ITGA9: variants seen among roughly 807,000 people sequenced by gnomAD.
The protein encoded by ITGA9 is integrin subunit alpha 9.
In ITGA9, 56 loss-of-function variants were observed where a neutral mutation model predicts 127.8. The ratio of observed to expected loss-of-function variants is 0.44; its 90% CI spans 0.35 to 0.55. ITGA9 has a LOEUF of 0.55. ITGA9 is among the 20% of genes least tolerant of loss of function. The pLI, the probability that ITGA9 is intolerant of heterozygous loss-of-function variation, is 0.00. For synonymous variants in ITGA9, 508 were observed against 514.5 expected, an observed-to-expected ratio of 0.99 and a Z score of 0.17; for missense variants, 1,196 against 1,347.1, an observed-to-expected ratio of 0.89 and a Z score of 1.76.
intron 8 of ITGA9, among the ~76,000 whole-genome samples, chr3:37,512,186 T>TTTC (rs1432696502): frequency 1.6e-5 from 1 of 60,818 alleles, no homozygotes; most frequent in Non-Finnish European, 3.0e-5. Context: ...TTTCTTTTCT[T>TTTC]TTCTTTTCTT....
chr3:37,641,476 G>T (rs1163947023), intron 16 of ITGA9, among the ~76,000 whole-genome samples: 2 of 152,036 alleles, frequency 1.3e-5, no homozygotes, highest in Admixed American at 1.3e-4. Flanking sequence ...TGTCGCAGAG[G>T]GAGAAGATCT....
rs543389780 is a variant in ITGA9 at position 37,594,227 on chromosome 3, T to C, written c.1690-34960T>C. Among the ~76,000 whole-genome samples, 4 of 152,334 alleles carry C rather than the reference T, an allele frequency of 2.6e-5. No individual in the cohort carries two copies. The South Asian group carries it at 8.3e-4, about 32-fold the overall frequency. ...TGAGATAGGGGTCTGGCCCCATTCC[T>C]GCCTGACTGGCAGTCTTCATTAATG... On this transcript the variant is annotated intron_variant, in intron 15 of 27. Transcript: ENST00000264741.
intron 7 of ITGA9, 116 bp downstream of exon 7, chr3:37,506,201 G>A: frequency 1.2e-6 from 1 of 820,346 alleles, no homozygotes; most frequent in Non-Finnish European, 2.1e-6. Flanking sequence ...GGTGGCTGGT[G>A]GGGAGGTGAT....
At chr3:37,669,027 C>G (rs911271502) in intron 17 of ITGA9, among the ~76,000 whole-genome samples, 1 of 152,164 alleles carries the variant, frequency 6.6e-6, no homozygotes, top group Non-Finnish European at 1.5e-5. Flanking sequence ...GTGACCTGTC[C>G]GTAAATCATT....
At chr3:37,508,380 C>G (rs1559523195) in intron 7 of ITGA9, among the ~76,000 whole-genome samples, 179 bp from the exon 8 acceptor site, 2 of 151,806 alleles carry the variant, frequency 1.3e-5, no homozygotes, top group African/African-American at 4.8e-5. Context: ...TTGAAGGACC[C>G]TTTTTTTTGC....
chr3:37,508,407 C>T (rs1452878062), intron 7 of ITGA9, 152 bp from the exon 8 acceptor site: 18 of 657,776 alleles, frequency 2.7e-5, no homozygotes, highest in Non-Finnish European at 4.7e-5. Context: ...GGTAAAATGA[C>T]AGCTGACTTC....
intron 23 of ITGA9, among the ~76,000 whole-genome samples, chr3:37,763,466 G>A (rs1233658526): frequency 6.6e-6 from 1 of 152,204 alleles, no homozygotes; most frequent in African/African-American, 2.4e-5. Flanking sequence ...CTGCCGTTGT[G>A]TGGGGTTCCG....
intron 15 of ITGA9, among the ~76,000 whole-genome samples, chr3:37,612,537 AC>A (rs1451085418): frequency 6.6e-6 from 1 of 152,206 alleles, no homozygotes; most frequent in African/African-American, 2.4e-5. Context: ...TTTGATGCCT[AC>A]ATTTTATAAT....
At chr3:37,733,130 C>G (rs1471476533) in intron 19 of ITGA9, 1 of 365,476 alleles carries the variant, frequency 2.7e-6, no homozygotes, top group Non-Finnish European at 5.3e-6. Flanking sequence ...TTCTGTGCCT[C>G]TTTGAGTCCC....
chr3:37,689,260 T>C (rs1035028476), intron 18 of ITGA9, among the ~76,000 whole-genome samples: 1 of 152,230 alleles, frequency 6.6e-6, no homozygotes, highest in African/African-American at 2.4e-5. Context: ...TTTCATAGAT[T>C]TATTCTGGAT....
intron 15 of ITGA9, among the ~76,000 whole-genome samples, chr3:37,549,313 T>G (rs1030094721): frequency 6.6e-6 from 1 of 152,230 alleles, no homozygotes; most frequent in Non-Finnish European, 1.5e-5. Flanking sequence ...GACATTGTGA[T>G]TAGCAAAGGA....
At chr3:37,786,129 A>T (rs374817469) in intron 26 of ITGA9, among the ~76,000 whole-genome samples, 1 of 152,186 alleles carries the variant, frequency 6.6e-6, no homozygotes, top group East Asian at 1.9e-4. Flanking sequence ...GAGCTGTGCA[A>T]TGATGCTACC....
intron 15 of ITGA9, among the ~76,000 whole-genome samples, chr3:37,558,067 C>T (rs890590617): frequency 2.0e-5 from 3 of 152,168 alleles, no homozygotes; most frequent in Admixed American, 6.5e-5. Flanking sequence ...TGGTCTTGGA[C>T]GAGGTTGCAC....
chr3:37,720,055 T>C (rs1216892890), intron 18 of ITGA9, among the ~76,000 whole-genome samples: 1 of 152,178 alleles, frequency 6.6e-6, no homozygotes, highest in African/African-American at 2.4e-5. Context: ...AATGTCCATG[T>C]TCGCAGAGGT....
chr3:37,731,240 C>T (rs1021855987), intron 18 of ITGA9, among the ~76,000 whole-genome samples: 1 of 152,054 alleles, frequency 6.6e-6, no homozygotes, highest in East Asian at 1.9e-4. Context: ...ATTTTTTAGA[C>T]GGAGTCTCGC....
chr3:37,593,083 G>T (rs1246288475), intron 15 of ITGA9, among the ~76,000 whole-genome samples: 2 of 152,262 alleles, frequency 1.3e-5, no homozygotes, highest in Non-Finnish European at 2.9e-5. Context: ...CATAAAAAAA[G>T]GTACAGTTGT....
At chr3:37,454,921 C>T (rs974076091) in intron 1 of ITGA9, among the ~76,000 whole-genome samples, 5 of 152,204 alleles carry the variant, frequency 3.3e-5, no homozygotes, top group Non-Finnish European at 5.9e-5. Flanking sequence ...TGACTTCCAA[C>T]ATCTTCTTTC....
intron 1 of ITGA9, among the ~76,000 whole-genome samples, chr3:37,457,652 G>A (rs896845030): frequency 2.0e-5 from 3 of 152,144 alleles, no homozygotes; most frequent in African/African-American, 7.2e-5. Flanking sequence ...TCACCCTACA[G>A]AGCCTGCTTT....
In ITGA9 at chr3:37,742,430, T is replaced by C. The variant is rs182527522; in HGVS notation, c.2324+611T>C. Among the ~76,000 whole-genome samples the C allele has an allele frequency of 2.8e-3, 419 of 152,302 alleles. 3 individuals are homozygous for C. Among genetic ancestry groups the C allele is most frequent in the Non-Finnish European group, 4.5e-3 (304 of 68,028 alleles). On this transcript the variant is annotated intron_variant, in intron 21 of 27. Coordinates refer to ENST00000264741, the MANE Select transcript of ITGA9 (RefSeq NM_002207.3). ...CGGTCATTCAGTGCCGCTGGCATTG[T>C]TGGAAAGCAGGACCCTGGGCTGCAG...
Sources: gnomAD v4.1 joint callset for allele counts (sites outside exome capture counted in the v4.1 genomes callset) on GRCh38, gnomAD v4.1.1 for gene constraint, MANE v1.5 for transcripts, NCBI Gene and HGNC (gene_info 2026-07-23, HGNC 2026-07-21) for gene names.